INTS6: variants seen among roughly 807,000 people sequenced by gnomAD.
The protein encoded by INTS6 is integrator complex subunit 6.
Under a neutral mutation model 104.9 loss-of-function variants are expected in INTS6, and 16 were observed. That is an observed-to-expected ratio of 0.15 (90% CI 0.10 to 0.23). The LOEUF (loss-of-function observed/expected upper bound fraction) is 0.23, where lower values mean the gene tolerates loss of function less well. Ranked by LOEUF, INTS6 falls within the 10% of genes least tolerant of loss-of-function variation. The pLI is 1.00. For synonymous variants in INTS6, 324 were observed against 358.7 expected, an observed-to-expected ratio of 0.90 and a Z score of 1.09; for missense variants, 584 against 1,062.8, an observed-to-expected ratio of 0.55 and a Z score of 6.26.
chr13:51,347,010 C>T, the INTS6 span: 3 of 1,558,904 alleles, frequency 1.9e-6, no homozygotes, highest in South Asian at 1.2e-5. Context: ...GGCCACCTTG[C>T]TTTCCTGCTT....
At chr13:51,421,500 C>T (rs1245489685) in intron 4 of INTS6, 1 of 156,562 alleles carries the variant, frequency 6.4e-6, no homozygotes, top group African/African-American at 2.4e-5. Context: ...CAATGTCTTT[C>T]TAGTCACTGC....
chr13:51,436,003 G>T (rs1303105348), intron 3 of INTS6, among the ~76,000 whole-genome samples: 1 of 152,030 alleles, frequency 6.6e-6, no homozygotes, highest in Non-Finnish European at 1.5e-5. Flanking sequence ...ATTTCAGTAA[G>T]ATTATTATTT....
chr13:51,377,952 T>G (rs1049032202), intron 12 of INTS6, among the ~76,000 whole-genome samples: 3 of 152,112 alleles, frequency 2.0e-5, no homozygotes, highest in Non-Finnish European at 4.4e-5. Context: ...AAAACTATAG[T>G]GAATTCTACC....
At chr13:51,408,840 CAACA>C (rs1193333378) in intron 4 of INTS6, among the ~76,000 whole-genome samples, 2 of 152,066 alleles carry the variant, frequency 1.3e-5, no homozygotes. Flanking sequence ...TTTAATCCTC[CAACA>C]AACCTAAAAC....
chr13:51,378,516 T>C, intron 11 of INTS6, 62 bp from the exon 12 acceptor site: 2 of 1,014,500 alleles, frequency 2.0e-6, no homozygotes, highest in South Asian at 1.6e-5. Flanking sequence ...CAGATACTAA[T>C]GGTTATGATC....
intron 4 of INTS6, among the ~76,000 whole-genome samples, chr13:51,412,700 T>C (rs1956709987): frequency 1.3e-5 from 2 of 152,194 alleles, no homozygotes; most frequent in African/African-American, 4.8e-5. Context: ...TGAAGTACTT[T>C]AAACTCTTGT....
chr13:51,416,546 G>A (rs1274951981), intron 4 of INTS6, among the ~76,000 whole-genome samples: 1 of 152,174 alleles, frequency 6.6e-6, no homozygotes, highest in Non-Finnish European at 1.5e-5. Flanking sequence ...TGCACTATGT[G>A]AGAGAATTGT....
At chr13:51,399,945 A>G (rs1294823568) in intron 4 of INTS6, among the ~76,000 whole-genome samples, 1 of 152,188 alleles carries the variant, frequency 6.6e-6, no homozygotes, top group Non-Finnish European at 1.5e-5. Flanking sequence ...GGGATCCCCA[A>G]GTCTGTGGCC....
intron 4 of INTS6, among the ~76,000 whole-genome samples, chr13:51,422,111 TA>T (rs1956906108): frequency 6.6e-6 from 1 of 152,168 alleles, no homozygotes. Context: ...GTCTTTGAGG[TA>T]ATTGTTTTAA....
the INTS6 span, among the ~76,000 whole-genome samples, chr13:51,340,476 A>G: frequency 2.6e-5 from 4 of 152,324 alleles, no homozygotes; most frequent in African/African-American, 9.6e-5. Context: ...TCAAAATTTT[A>G]TATACCACTC....
intron 15 of INTS6, among the ~76,000 whole-genome samples, chr13:51,370,356 C>G (rs187016941): frequency 3.9e-5 from 6 of 152,316 alleles, no homozygotes; most frequent in African/African-American, 1.2e-4. Flanking sequence ...TTGTGAGACT[C>G]AACCATGCCA....
At chr13:51,386,103 CATA>C (rs1566216012) in intron 7 of INTS6, among the ~76,000 whole-genome samples, 21 of 152,276 alleles carry the variant, frequency 1.4e-4, no homozygotes, top group African/African-American at 4.8e-4. Context: ...CTCCTCTAAA[CATA>C]CCTTGTTCTT....
At chr13:51,449,438 T>C in intron 3 of INTS6, 1 of 979,442 alleles carries the variant, frequency 1.0e-6, no homozygotes, top group Non-Finnish European at 1.2e-6. Context: ...AAATTACAAA[T>C]GTCCTCAGCC....
At position 51,453,034 on chromosome 13, in the gene INTS6, A is replaced by G. The variant is rs1396487344; in HGVS notation, c.-509T>C. 3 of 1,008,186 alleles carry G rather than the reference A, an allele frequency of 3.0e-6. No homozygotes were observed. The African/African-American group carries it at 5.2e-5, about 18-fold the overall frequency. The allele number at this position is 1,008,186 out of a possible 1,614,324, so 62.5% of individuals were successfully genotyped here. A position where few individuals can be genotyped will look rare whatever the true frequency, so the allele number is the denominator to read the frequency against. ...CTTTCTCAGCCCCTCTCGCTACTGA[A>G]GCGCTTTTCTCTCTCACACTCCGGT... On this transcript the variant is annotated 5_prime_UTR_variant, in exon 1 of 18. Transcript: ENST00000311234.
intron 4 of INTS6, among the ~76,000 whole-genome samples, chr13:51,400,411 C>T (rs933912942): frequency 1.3e-5 from 2 of 152,166 alleles, no homozygotes; most frequent in African/African-American, 4.8e-5. Flanking sequence ...AGATGCTCTC[C>T]CATGTTTTCT....
chr13:51,397,013 A>C (rs1956351632), intron 4 of INTS6, among the ~76,000 whole-genome samples: 1 of 152,204 alleles, frequency 6.6e-6, no homozygotes, highest in Admixed American at 6.5e-5. Flanking sequence ...ATCAAGACTC[A>C]GTTTAGGGCT....
chr13:51,409,290 T>G (rs1956638190), intron 4 of INTS6, among the ~76,000 whole-genome samples: 2 of 147,460 alleles, frequency 1.4e-5, no homozygotes, highest in African/African-American at 4.9e-5. Context: ...ATAATAATAA[T>G]AATAATAATA....
intron 5 of INTS6, among the ~76,000 whole-genome samples, chr13:51,394,467 G>A (rs187721043): frequency 6.6e-6 from 1 of 152,244 alleles, no homozygotes; most frequent in African/African-American, 2.4e-5. Flanking sequence ...AGCTGGCTAT[G>A]ACGAATCTCA....
chr13:51,369,942 CAGATTATT>C (rs1232548027), intron 15 of INTS6, among the ~76,000 whole-genome samples: 4 of 152,114 alleles, frequency 2.6e-5, no homozygotes, highest in African/African-American at 9.7e-5. Flanking sequence ...CTCTTAACAC[CAGATTATT>C]AGACTTGCCC....
Sources: allele counts gnomAD v4.1 joint callset (sites outside exome capture counted in the v4.1 genomes callset), GRCh38; gene constraint gnomAD v4.1.1; transcripts MANE v1.5; gene names NCBI Gene and HGNC (gene_info 2026-07-23, HGNC 2026-07-21).